Variants in SLC30A5 observed in about 807,000 individuals in gnomAD.
SLC30A5 encodes the protein proton-coupled zinc antiporter SLC30A5.
A neutral mutation model predicts 79.6 loss-of-function variants in SLC30A5; 33 were observed. The ratio of observed to expected loss-of-function variants is 0.41; its 90% CI spans 0.31 to 0.55. SLC30A5 has a LOEUF of 0.55. Ranked by LOEUF, SLC30A5 falls within the 20% of genes least tolerant of loss-of-function variation. SLC30A5 has a pLI of 0.20. For synonymous variants in SLC30A5, 299 were observed against 319.7 expected, an observed-to-expected ratio of 0.94 and a Z score of 0.69; for missense variants, 788 against 928.1, an observed-to-expected ratio of 0.85 and a Z score of 1.96.
chr5:69,099,663 A>G (rs1469568065), intron 1 of SLC30A5, among the ~76,000 whole-genome samples: 2 of 152,104 alleles, frequency 1.3e-5, no homozygotes, highest in Non-Finnish European at 2.9e-5. Flanking sequence ...TGACCTTTCA[A>G]CCACAACTCT....
At chr5:69,104,746 G>A in intron 4 of SLC30A5, 30 bp downstream of exon 4, 1 of 1,588,170 alleles carries the variant, frequency 6.3e-7, no homozygotes, top group South Asian at 1.1e-5. Flanking sequence ...TTGAATGTGT[G>A]TTTGTATTTC....
At position 69,104,192 on chromosome 5, in the gene SLC30A5, C is replaced by T. The variant is rs1746015790; in HGVS notation, c.274-439C>T. The T allele has an allele frequency of 7.1e-6, 7 of 986,842 alleles. No individual in the cohort carries two copies. The East Asian group carries it at 2.6e-4, about 37-fold the overall frequency. The allele number at this position is 986,842 out of a possible 1,614,324, so 61.1% of individuals were successfully genotyped here. ...TTGCTCCATCGCCCAGGCTGCAGTG[C>T]AGTGACACGATCTTGTCTCACTGCA... On this transcript the variant is annotated intron_variant, in intron 3 of 15. Transcript: ENST00000396591.
Position 69,104,714 on chromosome 5 carries a change from A to C in SLC30A5, c.357A>C (p.Leu119=). Residue 119 remains leucine (L), a splice_region_variant and synonymous_variant, in exon 4 of 16, where the codon CTA becomes CTC. Transcript: ENST00000396591. ...WFFGLTLCGP[L]RTLLLFEHSD... is the part of the protein sequence containing the mutation. ...TTGGCCTCACTCTTTGTGGACCACT[A>C]AGGTAAATAAAAATGCATATTTTGA... 6.3e-7 allele frequency: 1 copy of C among 1,599,564 alleles called. No individual in the cohort carries two copies. Among genetic ancestry groups the C allele is most frequent in the Non-Finnish European group, 8.5e-7 (1 of 1,174,838 alleles).
At position 69,123,381 on chromosome 5, in the gene SLC30A5, T is replaced by C. The variant is rs766567152; in HGVS notation, c.1954T>C (p.Leu652=). ...KDACQVLLLR[L]PPEYEKELHI... ...TGCCTGCCAGGTTCTACTCCTGAGA[T>C]TGCCACCAGAATATGAAAAAGAACT... The change falls in exon 14 of 16, where the codon TTG becomes CTG. Residue 652 remains leucine, a synonymous_variant. Coordinates refer to ENST00000396591, the MANE Select transcript of SLC30A5 (RefSeq NM_022902.5). 20 of 1,613,902 alleles carry C rather than the reference T, an allele frequency of 1.2e-5. No individual in the cohort carries two copies. The highest frequency in any genetic ancestry group is 6.7e-5 in the African/African-American group (5 of 74,916).
rs750091762 is a variant in SLC30A5 at position 69,115,284 on chromosome 5, T to C, written c.660T>C (p.Phe220=). The C allele has an allele frequency of 1.2e-6, 2 of 1,614,122 alleles. No homozygotes were observed. The highest frequency in any genetic ancestry group is 1.7e-6 in the Non-Finnish European group (2 of 1,179,984). ...LVLALCCKVG[F]HTASRKLSVD... is the part of the protein sequence containing the mutation. Reference sequence around the variant, plus strand: ...TGGCTTTGTGTTGTAAAGTTGGTTTTCATACAGCTTCCAGAAAGCTCTCTG... The same window carrying C: ...TGGCTTTGTGTTGTAAAGTTGGTTTCCATACAGCTTCCAGAAAGCTCTCTG... Residue 220 remains phenylalanine (F), a synonymous_variant, in exon 8 of 16, where the codon TTT becomes TTC. Coordinates refer to ENST00000396591, the MANE Select transcript of SLC30A5 (RefSeq NM_022902.5).
chr5:69,102,290 G>A (rs1745950400), intron 2 of SLC30A5, among the ~76,000 whole-genome samples: 1 of 151,520 alleles, frequency 6.6e-6, no homozygotes, highest in Non-Finnish European at 1.5e-5. Context: ...CTGACCTCAG[G>A]TGATCCGCCC....
chr5:69,103,268 C>A, intron 3 of SLC30A5, 140 bp downstream of exon 3: 1 of 564,122 alleles, frequency 1.8e-6, no homozygotes, highest in South Asian at 3.0e-5. Flanking sequence ...TTGCTCTTGT[C>A]TTTTCAGAAT....
intron 14 of SLC30A5, among the ~76,000 whole-genome samples, 162 bp from the exon 15 acceptor site, chr5:69,127,842 C>G (rs1438145179): frequency 1.3e-5 from 2 of 152,078 alleles, no homozygotes; most frequent in Non-Finnish European, 2.9e-5. Context: ...TCTGGCTTCT[C>G]ATTATGGCTG....
In SLC30A5 at chr5:69,109,216, A is replaced by G. The variant is rs1465983222; in HGVS notation, c.447+780A>G. Among the ~76,000 whole-genome samples the G allele has an allele frequency of 1.3e-5, 2 of 152,202 alleles. 1 individual carries two copies. The highest frequency in any genetic ancestry group is 1.3e-4 in the Admixed American group (2 of 15,262). ...AGTATAATTGAATTATTTGTAACAC[A>G]AAGGCTAAATGCTCGAGGGGATGGA... On this transcript the variant is annotated intron_variant, in intron 5 of 15. Transcript: ENST00000396591.
At chr5:69,110,766 G>C (rs1054448883) in intron 5 of SLC30A5, among the ~76,000 whole-genome samples, 5 of 152,078 alleles carry the variant, frequency 3.3e-5, no homozygotes, top group African/African-American at 1.2e-4. Context: ...CCAGAAATAA[G>C]TTTTACATTC....
At chr5:69,097,109 C>CTTTTTTTTTTTT (rs1228027917) in intron 1 of SLC30A5, among the ~76,000 whole-genome samples, 8 of 87,950 alleles carry the variant, frequency 9.1e-5, no homozygotes, top group African/African-American at 1.4e-4. Flanking sequence ...CTCTCTTTTT[C>CTTTTTTTTTTTT]TTTTTTTTTT....
intron 3 of SLC30A5, chr5:69,104,129 GT>G: frequency 4.3e-6 from 6 of 1,386,218 alleles, no homozygotes; most frequent in Non-Finnish European, 3.8e-6. Flanking sequence ...ACAGAATACT[GT>G]CCTTTTTTTT....
At chr5:69,111,368 A>G (rs1580174843) in intron 5 of SLC30A5, among the ~76,000 whole-genome samples, 1 of 137,922 alleles carries the variant, frequency 7.3e-6, no homozygotes, top group Non-Finnish European at 1.6e-5. Context: ...GCAGTGGCAC[A>G]ATCTCAGCTC....
intron 1 of SLC30A5, among the ~76,000 whole-genome samples, chr5:69,094,878 C>CA (rs397830385): frequency 0.19 from 28,372 of 150,674 alleles, 2,943 homozygotes; most frequent in East Asian, 0.37. Flanking sequence ...TCCTCGTTGT[C>CA]AAAAAAAAAT....
At chr5:69,118,248 G>T (rs536310875) in intron 11 of SLC30A5, 1 of 135,286 alleles carries the variant, frequency 7.4e-6, no homozygotes, top group African/African-American at 2.7e-5. Context: ...GTATATATTC[G>T]TTAAAATGTT....
At chr5:69,096,592 C>T (rs1745738083) in intron 1 of SLC30A5, among the ~76,000 whole-genome samples, 1 of 152,120 alleles carries the variant, frequency 6.6e-6, no homozygotes, top group East Asian at 1.9e-4. Flanking sequence ...AAAGAAGTTT[C>T]CCCTCTTAAC....
intron 1 of SLC30A5, among the ~76,000 whole-genome samples, chr5:69,099,982 G>A (rs1017131862): frequency 2.0e-5 from 3 of 152,118 alleles, no homozygotes; most frequent in Admixed American, 1.3e-4. Flanking sequence ...TGGTTGGTTC[G>A]TTTTGAGACA....
chr5:69,113,312 A>C (rs1035605850), intron 6 of SLC30A5, 85 bp downstream of exon 6: 9 of 933,046 alleles, frequency 9.6e-6, no homozygotes, highest in Non-Finnish European at 1.5e-5. Flanking sequence ...AGGATAAGTG[A>C]ATTAAACTGA....
At chr5:69,099,678 G>A (rs1261903313) in intron 1 of SLC30A5, among the ~76,000 whole-genome samples, 2 of 152,126 alleles carry the variant, frequency 1.3e-5, no homozygotes, top group Non-Finnish European at 2.9e-5. Flanking sequence ...AACTCTCACT[G>A]TAGTCACTTA....
Sources: allele counts gnomAD v4.1 joint callset (sites outside exome capture counted in the v4.1 genomes callset), GRCh38; gene constraint gnomAD v4.1.1; transcripts MANE v1.5; gene names NCBI Gene and HGNC (gene_info 2026-07-23, HGNC 2026-07-21).